MITD1: variants seen among roughly 807,000 people sequenced by gnomAD.
The protein encoded by MITD1 is MIT domain-containing protein 1.
A neutral mutation model predicts 34.9 loss-of-function variants in MITD1; 24 were observed. The observed-to-expected ratio is 0.69, with a 90% CI of 0.50 to 0.97. MITD1 has a LOEUF of 0.97. Ranked by LOEUF, MITD1 falls within the 50% of genes least tolerant of loss-of-function variation. The probability of loss-of-function intolerance (pLI) is 0.00; values close to 1 mark genes in which losing one functional copy is unlikely to be tolerated. For synonymous variants in MITD1, 102 were observed against 101.4 expected, an observed-to-expected ratio of 1.01 and a Z score of -0.04; for missense variants, 266 against 294.6, an observed-to-expected ratio of 0.90 and a Z score of 0.71.
In MITD1 at chr2:99,169,601, A is replaced by G. The variant is rs376143616; in HGVS notation, c.603T>C (p.Asn201=). ...SIHDREIRFN[N]GWMIKIGRGL... is the part of the protein sequence containing the mutation. ...CCCTTCCAATCTTAATCATCCATCC[A>G]TTGTTGAACCTGTTGAAATTAGTAT... Residue 201 remains asparagine, a synonymous_variant, in exon 6 of 7, where the codon AAT becomes AAC. Coordinates refer to ENST00000289359, the MANE Select transcript of MITD1 (RefSeq NM_138798.3). The G allele has an allele frequency of 4.2e-5, 67 of 1,604,984 alleles. No homozygotes were observed. The highest frequency in any genetic ancestry group is 5.5e-5 in the Non-Finnish European group (64 of 1,171,998).
At chr2:99,178,660 C>T (rs931629836) in intron 1 of MITD1, among the ~76,000 whole-genome samples, 1 of 152,034 alleles carries the variant, frequency 6.6e-6, no homozygotes, top group Non-Finnish European at 1.5e-5. Context: ...TGTGTAAAGG[C>T]CTGAAATAGG....
At chr2:99,162,111 C>A in exon 8 of MITD1, 1 of 1,614,080 alleles carries the variant, frequency 6.2e-7, no homozygotes, top group Non-Finnish European at 8.5e-7. Context: ...AGACTGGATC[C>A]ATGACCATAT....
At chr2:99,177,908 T>C (rs574646660) in intron 1 of MITD1, among the ~76,000 whole-genome samples, 7 of 152,346 alleles carry the variant, frequency 4.6e-5, no homozygotes, top group South Asian at 2.1e-4. Context: ...TTCTATGATA[T>C]TAACTTTTTT....
downstream of MITD1, among the ~76,000 whole-genome samples, chr2:99,164,742 A>G (rs2093818813): frequency 6.6e-6 from 1 of 152,194 alleles, no homozygotes; most frequent in Non-Finnish European, 1.5e-5. Context: ...AACTTTGAAG[A>G]GATTACTCAT....
rs1553516346 is a variant in MITD1, at chr2:99,169,616, GAA to G, written c.594-8_594-7del. On this transcript the variant is annotated splice_region_variant and splice_polypyrimidine_tract_variant and intron_variant, in intron 5 of 6. Transcript: ENST00000289359. ...TCATCCATCCATTGTTGAACCTGTT[GAA>G]ATTAGTATATAGTATTATATTCAAG... 5.0e-6 allele frequency: 8 copies of G among 1,590,654 alleles called. No homozygotes were observed. Among genetic ancestry groups the G allele is most frequent in the Non-Finnish European group, 6.9e-6 (8 of 1,159,000 alleles).
At chr2:99,164,482 G>A (rs1338962286), downstream of MITD1, among the ~76,000 whole-genome samples, 1 of 152,148 alleles carries the variant, frequency 6.6e-6, no homozygotes, top group Non-Finnish European at 1.5e-5. Flanking sequence ...ACCATGCCCA[G>A]CTCCCTCTGT....
intron 7 of MITD1, chr2:99,162,378 C>T (rs751145779): frequency 1.9e-6 from 3 of 1,613,822 alleles, no homozygotes; most frequent in Non-Finnish European, 2.5e-6. Context: ...GAATGCTGTC[C>T]AACCCCAGCT....
chr2:99,162,997 T>C lies in MITD1; in HGVS notation c.*4-779A>G, dbSNP rs764334577. 1.4e-5 allele frequency: 23 copies of C among 1,612,888 alleles called. 1 individual carries two copies. The highest frequency in any genetic ancestry group is 3.3e-5 in the South Asian group (3 of 90,900). ...ACTGAAACTACCATGCTAACAAATA[T>C]ATTACTTAGAACATGTCCACAAGAC... On this transcript the variant is annotated intron_variant, in intron 7 of 7. Coordinates refer to the MITD1 transcript ENST00000422537.
intron 1 of MITD1, among the ~76,000 whole-genome samples, chr2:99,177,953 GTCTT>G (rs948567319): frequency 1.3e-5 from 2 of 152,122 alleles, no homozygotes; most frequent in African/African-American, 4.8e-5. Context: ...TGTGGTATTT[GTCTT>G]TCTGTGTCTG....
chr2:99,169,174 T>C, downstream of MITD1: 1 of 376,032 alleles, frequency 2.7e-6, no homozygotes, highest in South Asian at 4.4e-5. Context: ...TTAGCTGTAT[T>C]ACTTGAAAGA....
In MITD1 at chr2:99,180,766, A is replaced by C. The variant is rs1256986512; in HGVS notation, c.151+65T>G. ...AAATCATTTTTAACTCTTTCACTTC[A>C]CCCCAGACACAGCAGGAACCAGCTC... is the stretch of plus-strand genomic sequence containing the variant. On this transcript the variant is annotated intron_variant, in intron 1 of 6. Transcript: ENST00000289359. 10 of 1,382,550 alleles carry C rather than the reference A, an allele frequency of 7.2e-6. No homozygotes were observed. In the East Asian group the frequency reaches 2.1e-4, roughly 29 times the overall value. The allele number at this position is 1,382,550 out of a possible 1,614,324, so 85.6% of individuals were successfully genotyped here.
chr2:99,161,922 G>A (rs2093796169), downstream of MITD1: 2 of 1,497,630 alleles, frequency 1.3e-6, no homozygotes, highest in South Asian at 2.6e-5. Flanking sequence ...TCCTTTTCTC[G>A]ATGAATTAAT....
At chr2:99,179,874 G>T (rs1178123064) in intron 1 of MITD1, among the ~76,000 whole-genome samples, 8 of 152,056 alleles carry the variant, frequency 5.3e-5, no homozygotes, top group Non-Finnish European at 7.4e-5. Context: ...GGTAGAGTTT[G>T]TAGTTCTGAC....
At position 99,162,522 on chromosome 2, in the gene MITD1, T is replaced by C. The variant is rs2632277; in HGVS notation, c.*4-304A>G. The stretch of plus-strand genomic sequence containing the variant: ...ATTATGTAGTACTGATGGGACGTTC[T>C]TGTCTTCTTTGCTAAAGAGCCCTTA... On this transcript the variant is annotated intron_variant, in intron 7 of 7. Coordinates refer to the MITD1 transcript ENST00000422537. The C allele has an allele frequency of 0.63, 1,011,103 of 1,613,700 alleles. 321,040 individuals carry two copies. The highest frequency in any genetic ancestry group is 0.88 in the East Asian group (39,572 of 44,864).
chr2:99,166,569 C>G (rs1296442387), downstream of MITD1, among the ~76,000 whole-genome samples: 1 of 150,414 alleles, frequency 6.6e-6, no homozygotes, highest in African/African-American at 2.4e-5. Context: ...GCATCTGGCT[C>G]GAGATGTGTG....
intron 2 of MITD1, chr2:99,172,460 A>G (rs562359857): frequency 6.6e-6 from 1 of 152,322 alleles, no homozygotes; most frequent in East Asian, 1.9e-4. Context: ...AGTTTTAAAC[A>G]GAAATTTATA....
chr2:99,174,975 C>T (rs62156413), intron 1 of MITD1, among the ~76,000 whole-genome samples: 10,192 of 152,216 alleles, frequency 0.067, 468 homozygotes, highest in Non-Finnish European at 0.11. Flanking sequence ...ATCCGCCCAC[C>T]TCGGCCTCCC....
At chr2:99,173,828 G>T in intron 2 of MITD1, 87 bp downstream of exon 2, 1 of 820,106 alleles carries the variant, frequency 1.2e-6, no homozygotes, top group Non-Finnish European at 2.1e-6. Flanking sequence ...AGACCACACA[G>T]AGCTCCAAAG....
At chr2:99,162,278 C>T in intron 7 of MITD1, 1 of 1,612,198 alleles carries the variant, frequency 6.2e-7, no homozygotes, top group African/African-American at 1.3e-5. Context: ...GAACAGTCTA[C>T]CATGATATGG....
Sources: allele counts gnomAD v4.1 joint callset (sites outside exome capture counted in the v4.1 genomes callset), GRCh38; gene constraint gnomAD v4.1.1; transcripts MANE v1.5; gene names NCBI Gene and HGNC (gene_info 2026-07-23, HGNC 2026-07-21).